Variants in CFAP20DC observed in about 807,000 individuals in gnomAD.
CFAP20DC encodes protein CFAP20DC.
A neutral mutation model predicts 101.7 loss-of-function variants in CFAP20DC; 84 were observed. The observed-to-expected ratio is 0.83, with a 90% CI of 0.69 to 0.99. CFAP20DC has a LOEUF of 0.99. CFAP20DC is among the 50% of genes least tolerant of loss of function. The pLI is 0.00. For synonymous variants in CFAP20DC, 359 were observed against 351.2 expected (o/e 1.02, Z -0.25); for missense variants, 1,007 against 970.3 (o/e 1.04, Z -0.50).
intron 6 of CFAP20DC, among the ~76,000 whole-genome samples, chr3:58,902,967 T>C (rs1188498814): frequency 1.3e-5 from 2 of 152,098 alleles, no homozygotes; most frequent in African/African-American, 4.8e-5. Flanking sequence ...AAGCTGCAGA[T>C]ATGGAGGGTG....
chr3:58,942,938 C>A (rs2088832350), intron 4 of CFAP20DC, among the ~76,000 whole-genome samples: 1 of 152,214 alleles, frequency 6.6e-6, no homozygotes, highest in African/African-American at 2.4e-5. Context: ...CTTCCCCTCA[C>A]AGTGAAAACA....
intron 4 of CFAP20DC, among the ~76,000 whole-genome samples, chr3:58,997,374 AC>A (rs1368110573): frequency 6.6e-6 from 1 of 152,214 alleles, no homozygotes; most frequent in Non-Finnish European, 1.5e-5. Context: ...ACATGCTCTT[AC>A]CACTTCACTA....
At chr3:58,980,616 C>T (rs903796044) in intron 4 of CFAP20DC, among the ~76,000 whole-genome samples, 10 of 152,200 alleles carry the variant, frequency 6.6e-5, no homozygotes, top group South Asian at 4.1e-4. Flanking sequence ...ACATGATTAT[C>T]TCAATAGATG....
intron 15 of CFAP20DC, among the ~76,000 whole-genome samples, chr3:58,778,976 TA>T (rs2071590443): frequency 6.6e-6 from 1 of 152,110 alleles, no homozygotes; most frequent in Non-Finnish European, 1.5e-5. Flanking sequence ...TTCTCCCCAA[TA>T]AAAGCACATT....
chr3:58,997,857 G>C (rs774051851), intron 4 of CFAP20DC, among the ~76,000 whole-genome samples: 42 of 152,170 alleles, frequency 2.8e-4, no homozygotes, highest in Non-Finnish European at 5.0e-4. Context: ...ACAGACTGTA[G>C]GGTCTGTCTT....
intron 15 of CFAP20DC, 39 bp downstream of exon 15, chr3:58,806,356 T>G (rs1263444145): frequency 7.3e-7 from 1 of 1,364,966 alleles, no homozygotes; most frequent in Admixed American, 1.8e-5. Context: ...CCAACTAAGT[T>G]TTTTTTTTTC....
intron 15 of CFAP20DC, among the ~76,000 whole-genome samples, chr3:58,754,384 A>G (rs1408748951): frequency 1.3e-5 from 2 of 152,002 alleles, no homozygotes; most frequent in Admixed American, 6.6e-5. Flanking sequence ...GAGTGAGGGC[A>G]TTTCCCCATC....
intron 13 of CFAP20DC, among the ~76,000 whole-genome samples, chr3:58,844,102 C>T (rs2077398574): frequency 2.2e-5 from 2 of 92,848 alleles, no homozygotes; most frequent in Admixed American, 1.2e-4. Flanking sequence ...GAAACTGCAT[C>T]AACTAACGAG....
chr3:58,819,476 C>T (rs62252035), intron 14 of CFAP20DC, among the ~76,000 whole-genome samples: 9 of 149,718 alleles, frequency 6.0e-5, no homozygotes, highest in Non-Finnish European at 1.2e-4. Context: ...ACCGATCCCA[C>T]AGAAATACAA....
At chr3:58,766,754 A>G (rs1175248192) in intron 15 of CFAP20DC, among the ~76,000 whole-genome samples, 1 of 152,090 alleles carries the variant, frequency 6.6e-6, no homozygotes, top group Non-Finnish European at 1.5e-5. Context: ...CTCTGTTCCT[A>G]GAGTGTGCCA....
rs189713472 is a variant in CFAP20DC at position 58,850,628 on chromosome 3, C to G, written c.1594-1219G>C. ...AAGACAAAACAACAAAAAAAACCAACCAACCAACCAAACAAAATATATAAT... is the reference window on the plus strand; with the variant it reads ...AAGACAAAACAACAAAAAAAACCAAGCAACCAACCAAACAAAATATATAAT... On this transcript the variant is annotated intron_variant, in intron 12 of 16. Coordinates refer to ENST00000482387, the MANE Select transcript of CFAP20DC (RefSeq NM_001394063.1). Among the ~76,000 whole-genome samples the G allele has an allele frequency of 3.5e-4, 52 of 149,970 alleles. 1 individual carries two copies. The highest frequency in any genetic ancestry group is 6.7e-4 in the Non-Finnish European group (45 of 67,402).
At chr3:58,854,297 C>T (rs563282654) in intron 12 of CFAP20DC, among the ~76,000 whole-genome samples, 2,541 of 151,542 alleles carry the variant, frequency 0.017, 68 homozygotes, top group African/African-American at 0.058. Context: ...AGGACCTCTT[C>T]AAGGAGAACT....
chr3:58,943,573 T>C (rs1024301683), intron 4 of CFAP20DC, among the ~76,000 whole-genome samples: 6 of 152,198 alleles, frequency 3.9e-5, no homozygotes, highest in Non-Finnish European at 8.8e-5. Context: ...CAAAGGTCAC[T>C]AACATCGAAG....
chr3:58,728,666 G>A lies in CFAP20DC; in HGVS notation c.198-11038C>T, dbSNP rs1256548991. Among the ~76,000 whole-genome samples the A allele has an allele frequency of 2.0e-5, 3 of 152,108 alleles. No individual in the cohort carries two copies. The highest frequency in any genetic ancestry group is 3.9e-4 in the East Asian group (2 of 5,192). ...CCATTCATTTTAGGCTGATTGTGGA[G>A]GAAATCATATGCCAGAGCTTTGGTA... On this transcript the variant is annotated intron_variant, in intron 3 of 3. Transcript: ENST00000486145. This position sits in a 1 kb window ranked among gnomAD's most constrained non-coding sequence, Gnocchi z 4.7.
At chr3:59,033,226 T>C (rs937023386) in intron 4 of CFAP20DC, among the ~76,000 whole-genome samples, 1 of 151,854 alleles carries the variant, frequency 6.6e-6, no homozygotes, top group African/African-American at 2.4e-5. Flanking sequence ...GGTAGATAAA[T>C]CCACAAAGAT....
intron 10 of CFAP20DC, among the ~76,000 whole-genome samples, chr3:58,867,346 A>G (rs2079781301): frequency 6.6e-6 from 1 of 152,206 alleles, no homozygotes; most frequent in Admixed American, 6.5e-5. Context: ...CTAATGCTTT[A>G]CCAGTTGCAA....
At chr3:58,766,405 C>T (rs532708775) in intron 15 of CFAP20DC, among the ~76,000 whole-genome samples, 1 of 152,118 alleles carries the variant, frequency 6.6e-6, no homozygotes, top group Non-Finnish European at 1.5e-5. Flanking sequence ...TTGAATCTAC[C>T]TTTCTCACCA....
chr3:58,742,412 T>G lies in CFAP20DC; in HGVS notation c.*48A>C. 1 of 1,544,296 alleles carries G rather than the reference T, an allele frequency of 6.5e-7. No homozygotes were observed. Among genetic ancestry groups the G allele is most frequent in the Non-Finnish European group, 8.7e-7 (1 of 1,144,748 alleles). On this transcript the variant is annotated 3_prime_UTR_variant, in exon 17 of 17. Transcript: ENST00000482387. The stretch of plus-strand genomic sequence containing the variant: ...GACTCCTTAAGCGACCCTGAACTGC[T>G]ATTCTGCTCCAGCTGGGAGTGCCTG...
chr3:59,043,179 C>CT (rs1699546145), intron 3 of CFAP20DC, among the ~76,000 whole-genome samples: 1 of 152,094 alleles, frequency 6.6e-6, no homozygotes, highest in Admixed American at 6.5e-5. Context: ...GAGCTGGAAG[C>CT]TGATAACCAA....
Sources: gnomAD v4.1 joint callset for allele counts (sites outside exome capture counted in the v4.1 genomes callset) on GRCh38, gnomAD v4.1.1 for gene constraint, Gnocchi (gnomAD v3.1) non-coding constraint, MANE v1.5 for transcripts, NCBI Gene and HGNC (gene_info 2026-07-23, HGNC 2026-07-21) for gene names.